RNF185: variants seen among roughly 807,000 people sequenced by gnomAD.
RNF185 encodes the protein E3 ubiquitin-protein ligase RNF185.
Under a neutral mutation model 24.9 loss-of-function variants are expected in RNF185, and 13 were observed. The observed-to-expected ratio is 0.52, with a 90% confidence interval of 0.34 to 0.83. RNF185 has a LOEUF of 0.83. Ranked by LOEUF, RNF185 falls within the 40% of genes least tolerant of loss-of-function variation. The pLI is 0.01. For missense variants in RNF185, 184 were observed against 244.7 expected (o/e 0.75, Z 1.65); for synonymous variants, 79 against 90.3 (o/e 0.88, Z 0.71).
intron 1 of RNF185, among the ~76,000 whole-genome samples, chr22:31,174,348 A>G (rs779523897): frequency 4.0e-5 from 6 of 151,098 alleles, no homozygotes; most frequent in Non-Finnish European, 8.8e-5. Flanking sequence ...TGCCAGTGGT[A>G]GTACAAATCC....
intron 1 of RNF185, among the ~76,000 whole-genome samples, chr22:31,179,590 T>C (rs4561750): frequency 0.086 from 13,029 of 152,248 alleles, 849 homozygotes; most frequent in East Asian, 0.4. Flanking sequence ...GTGGGGACCA[T>C]GTGGTGTCTA....
rs772583432 is a variant in RNF185 at position 31,201,605 on chromosome 22, G to A, written c.471G>A (p.Arg157=). ...FATAFNINDG[R]PPPAVPGTPQ... ...CAGCATTTAATATAAATGATGGGCG[G>A]CCTCCTCCAGGTAAGACCCTATTTC... Residue 157 remains arginine (R), a synonymous_variant, in exon 6 of 7, where the codon CGG becomes CGA. Coordinates refer to ENST00000326132, the MANE Select transcript of RNF185 (RefSeq NM_152267.4). 5 of 1,607,254 alleles carry A rather than the reference G, an allele frequency of 3.1e-6. No homozygotes were observed. The East Asian group carries it at 1.1e-4, about 36-fold the overall frequency.
intron 1 of RNF185, among the ~76,000 whole-genome samples, chr22:31,166,525 T>C (rs545859454): frequency 1.3e-5 from 2 of 152,234 alleles, no homozygotes; most frequent in East Asian, 3.9e-4. Flanking sequence ...AATTTTAATG[T>C]CTCCATGTTT....
intron 6 of RNF185, among the ~76,000 whole-genome samples, chr22:31,203,872 C>T (rs2048287294): frequency 6.6e-6 from 1 of 151,296 alleles, no homozygotes; most frequent in South Asian, 2.1e-4. Flanking sequence ...CCTGTTCCTA[C>T]TAAAAATACA....
At chr22:31,194,533 G>C (rs926079835) in intron 3 of RNF185, among the ~76,000 whole-genome samples, 2 of 152,058 alleles carry the variant, frequency 1.3e-5, no homozygotes, top group African/African-American at 4.8e-5. Context: ...TTTGAGACCA[G>C]CCTGGCCAAC....
intron 1 of RNF185, among the ~76,000 whole-genome samples, chr22:31,180,349 A>G (rs2048022385): frequency 1.3e-5 from 2 of 152,152 alleles, no homozygotes; most frequent in South Asian, 4.2e-4. Flanking sequence ...CTATAAGCCC[A>G]GCTACTCAGG....
intron 3 of RNF185, 21 bp from the exon 4 acceptor site, chr22:31,195,448 A>G (rs1431746913): frequency 2.6e-6 from 4 of 1,561,198 alleles, no homozygotes; most frequent in Non-Finnish European, 3.5e-6. Flanking sequence ...ATCCACATGC[A>G]TTTTTCTCTC....
intron 6 of RNF185, among the ~76,000 whole-genome samples, chr22:31,203,678 G>A (rs5749232): frequency 0.087 from 13,208 of 152,172 alleles, 873 homozygotes; most frequent in East Asian, 0.4. Flanking sequence ...AAATTGGACC[G>A]TGTCTTGTCC....
chr22:31,195,062 C>T (rs1397240025), intron 3 of RNF185, among the ~76,000 whole-genome samples: 2 of 152,022 alleles, frequency 1.3e-5, no homozygotes, highest in Non-Finnish European at 2.9e-5. Flanking sequence ...AAGCGATTCT[C>T]CTCCCTCAGC....
chr22:31,184,111 C>T (rs1374762317), intron 1 of RNF185, among the ~76,000 whole-genome samples: 1 of 151,292 alleles, frequency 6.6e-6, no homozygotes, highest in Admixed American at 6.6e-5. Context: ...CTGCCCACCA[C>T]CTCCTGGACG....
rs1320383536 is a variant in RNF185 at position 31,201,564 on chromosome 22, T to A, written c.430T>A (p.Phe144Ile). The A allele has an allele frequency of 6.2e-7, 1 of 1,612,494 alleles. No individual in the cohort carries two copies. Among genetic ancestry groups the A allele is most frequent in the Non-Finnish European group, 8.5e-7 (1 of 1,179,800 alleles). ...QMSFGIGAFP[F>I]GIFATAFNIN... ...GTCTTTTGGAATTGGGGCATTTCCC[T>A]TTGGGATATTTGCCACAGCATTTAA... is the stretch of plus-strand genomic sequence containing the variant. Residue 144 changes from phenylalanine (F) to isoleucine (I), a missense_variant, in exon 6 of 7, where the codon TTT becomes ATT. Physicochemically the swap from Phe to Ile is conservative, Grantham distance 21. Transcript: ENST00000326132.
chr22:31,172,805 A>G (rs1451565470), intron 1 of RNF185, among the ~76,000 whole-genome samples: 1 of 152,072 alleles, frequency 6.6e-6, no homozygotes, highest in Non-Finnish European at 1.5e-5. Context: ...CTCATGACAA[A>G]GGGATGGCTG....
At chr22:31,168,064 C>T (rs564408277) in intron 1 of RNF185, among the ~76,000 whole-genome samples, 4 of 152,318 alleles carry the variant, frequency 2.6e-5, no homozygotes, top group African/African-American at 9.6e-5. Context: ...AAAAGTGAAA[C>T]TCTGTGTCTA....
intron 3 of RNF185, 47 bp from the exon 4 acceptor site, chr22:31,195,422 T>C (rs1207175370): frequency 1.5e-6 from 2 of 1,332,424 alleles, no homozygotes; most frequent in East Asian, 5.0e-5. Context: ...CTGATCACTC[T>C]GGTGGGTCTT....
intron 5 of RNF185, 88 bp from the exon 6 acceptor site, chr22:31,201,410 C>A: frequency 1.1e-6 from 1 of 947,262 alleles, no homozygotes; most frequent in Non-Finnish European, 1.7e-6. Flanking sequence ...GTGCCACATG[C>A]AAGACAACGT....
chr22:31,183,807 C>A (rs1188603973), intron 1 of RNF185, among the ~76,000 whole-genome samples: 1 of 152,230 alleles, frequency 6.6e-6, no homozygotes, highest in Non-Finnish European at 1.5e-5. Flanking sequence ...CAATAACAAT[C>A]TGATCTCTCT....
At chr22:31,163,958 G>T (rs56136528) in intron 1 of RNF185, among the ~76,000 whole-genome samples, 6,178 of 151,784 alleles carry the variant, frequency 0.041, 114 homozygotes, top group Non-Finnish European at 0.051. Flanking sequence ...ACAGGCTTGA[G>T]CCACCGTGCC....
In RNF185 at chr22:31,167,020, AC is replaced by A. The variant is rs200922362; in HGVS notation, c.-49+6718del. Among the ~76,000 whole-genome samples the A allele has an allele frequency of 4.6e-3, 703 of 152,260 alleles. 19 individuals carry two copies. The East Asian group carries it at 0.052, about 11-fold the overall frequency. ...ACTGTTCATTTATTTAATAAGTCTTACTATGTAGACGTAATGTGTATAATAA... is the reference window on the plus strand; with the variant it reads ...ACTGTTCATTTATTTAATAAGTCTTATATGTAGACGTAATGTGTATAATAA... On this transcript the variant is annotated intron_variant, in intron 1 of 6. Transcript: ENST00000326132.
chr22:31,177,682 A>G (rs549056421), intron 1 of RNF185, among the ~76,000 whole-genome samples: 42 of 152,324 alleles, frequency 2.8e-4, no homozygotes, highest in Middle Eastern at 3.4e-3. Context: ...TTCTGTGTGA[A>G]TAAGCATGTG....
Sources: allele counts gnomAD v4.1 joint callset (sites outside exome capture counted in the v4.1 genomes callset), GRCh38; gene constraint gnomAD v4.1.1; transcripts MANE v1.5; gene names NCBI Gene and HGNC (gene_info 2026-07-23, HGNC 2026-07-21).